SMARCAD1: variants seen among roughly 807,000 people sequenced by gnomAD.
The protein encoded by SMARCAD1 is SNF2 related chromatin remodeling ATPase with DExD box 1.
A neutral mutation model predicts 127.1 loss-of-function variants in SMARCAD1; 25 were observed. The observed-to-expected ratio is 0.20, with a 90% CI of 0.14 to 0.27. The LOEUF (loss-of-function observed/expected upper bound fraction) is 0.27, where lower values mean the gene tolerates loss of function less well. Ranked by LOEUF, SMARCAD1 falls within the 10% of genes least tolerant of loss-of-function variation. The pLI, the probability that SMARCAD1 is intolerant of heterozygous loss-of-function variation, is 1.00. For synonymous variants in SMARCAD1, 400 were observed against 396.9 expected (o/e 1.01, Z -0.09); for missense variants, 807 against 1,206.0 (o/e 0.67, Z 4.90).
At chr4:94,266,724 A>G (rs1469282657) in intron 10 of SMARCAD1, among the ~76,000 whole-genome samples, 2 of 152,154 alleles carry the variant, frequency 1.3e-5, no homozygotes, top group East Asian at 3.8e-4. Context: ...ATAACCTATC[A>G]TGCTTGCATT....
At position 94,280,539 on chromosome 4, in the gene SMARCAD1, A is replaced by G. The variant is rs112408429; in HGVS notation, c.2419-53A>G. The stretch of plus-strand genomic sequence containing the variant: ...ACAGTTTTATTAAACTTTTCTCATC[A>G]TATTATTAATTATTTTTATTTTGAA... On this transcript the variant is annotated intron_variant, in intron 19 of 23. Transcript: ENST00000354268. 2.0e-3 allele frequency: 2,977 copies of G among 1,465,090 alleles called. 39 individuals carry two copies. The African/African-American group carries it at 0.034, about 17-fold the overall frequency. 90.8% of individuals were successfully genotyped at this position (1,465,090 alleles called of 1,614,324 possible). A position where few individuals can be genotyped will look rare whatever the true frequency, so the allele number is the denominator to read the frequency against.
At chr4:94,255,817 A>T (rs1749993772) in intron 9 of SMARCAD1, among the ~76,000 whole-genome samples, 1 of 151,944 alleles carries the variant, frequency 6.6e-6, no homozygotes, top group African/African-American at 2.4e-5. Flanking sequence ...CAAAATTTAA[A>T]TATTGTTTTT....
At chr4:94,255,319 G>T (rs1031480712) in intron 9 of SMARCAD1, among the ~76,000 whole-genome samples, 4 of 151,922 alleles carry the variant, frequency 2.6e-5, no homozygotes, top group Non-Finnish European at 5.9e-5. Flanking sequence ...ATTAAAAAAT[G>T]CATACTTGAG....
intron 3 of SMARCAD1, among the ~76,000 whole-genome samples, chr4:94,232,242 A>G (rs534949467): frequency 1.3e-5 from 2 of 152,192 alleles, no homozygotes; most frequent in African/African-American, 2.4e-5. Flanking sequence ...TCCAAGCCAT[A>G]GTGATATTCA....
At position 94,232,184 on chromosome 4, in the gene SMARCAD1, CATT is replaced by C. The variant is rs1397418032; in HGVS notation, c.369-1766_369-1764del. ...GGCTGGTTTTTCTTTTTCTTCATGA[CATT>C]ATTTATTTTCTATCACTTGTATTTC... On this transcript the variant is annotated intron_variant, in intron 3 of 23. Coordinates refer to ENST00000354268, the MANE Select transcript of SMARCAD1 (RefSeq NM_020159.5). Among the ~76,000 whole-genome samples, 5 of 152,112 alleles carry C rather than the reference CATT, an allele frequency of 3.3e-5. No homozygotes were observed. The East Asian group carries it at 5.8e-4, about 18-fold the overall frequency.
rs576625220 is a variant in SMARCAD1, at chr4:94,244,156, G to T, written c.705+3150G>T. On this transcript the variant is annotated intron_variant, in intron 6 of 23. Coordinates refer to ENST00000354268, the MANE Select transcript of SMARCAD1 (RefSeq NM_020159.5). ...ATATTTGGATTCAAGACCAAAGGGTGAAAAACTTAAGGAACAACCTTTCTC... is the reference window on the plus strand; with the variant it reads ...ATATTTGGATTCAAGACCAAAGGGTTAAAAACTTAAGGAACAACCTTTCTC... Among the ~76,000 whole-genome samples, 22 of 152,340 alleles carry T rather than the reference G, an allele frequency of 1.4e-4. 1 individual carries two copies. The South Asian group carries it at 4.3e-3, about 30-fold the overall frequency.
intron 19 of SMARCAD1, 115 bp downstream of exon 19, chr4:94,279,165 AC>A: frequency 1.4e-6 from 2 of 1,418,222 alleles, no homozygotes; most frequent in South Asian, 2.5e-5. Context: ...TTTAAGAAAA[AC>A]TTTTTTTTTT....
intron 2 of SMARCAD1, among the ~76,000 whole-genome samples, chr4:94,214,138 T>A (rs1048978002): frequency 2.0e-5 from 3 of 152,072 alleles, no homozygotes; most frequent in African/African-American, 7.2e-5. Context: ...CCTTTAACAG[T>A]TTCAGTAGAA....
At chr4:94,285,305 C>T (rs1305468882) in intron 23 of SMARCAD1, among the ~76,000 whole-genome samples, 1 of 152,114 alleles carries the variant, frequency 6.6e-6, no homozygotes, top group African/African-American at 2.4e-5. Context: ...ATGTTCAAAA[C>T]TCAGAAATGA....
At chr4:94,288,297 G>C (rs1755240867) in intron 23 of SMARCAD1, among the ~76,000 whole-genome samples, 1 of 151,886 alleles carries the variant, frequency 6.6e-6, no homozygotes, top group South Asian at 2.1e-4. Context: ...AAAACACTAG[G>C]GTCCAAAGTT....
At chr4:94,249,793 T>A (rs566050049) in intron 7 of SMARCAD1, 38 bp downstream of exon 7, 5 of 1,144,730 alleles carry the variant, frequency 4.4e-6, no homozygotes, top group Non-Finnish European at 6.6e-6. Flanking sequence ...CAGTGTGTAC[T>A]AAGTGTTTTT....
At chr4:94,280,972 A>T (rs1206272666) in intron 20 of SMARCAD1, among the ~76,000 whole-genome samples, 192 bp downstream of exon 20, 1 of 127,016 alleles carries the variant, frequency 7.9e-6, no homozygotes, top group Non-Finnish European at 1.8e-5. Flanking sequence ...AGACAAAAAC[A>T]ATAGAAAGTT....
intron 9 of SMARCAD1, among the ~76,000 whole-genome samples, chr4:94,257,622 CT>C (rs1377220018): frequency 1.3e-5 from 2 of 152,038 alleles, no homozygotes; most frequent in Non-Finnish European, 2.9e-5. Flanking sequence ...AATGTTTATA[CT>C]TTTATTATTT....
chr4:94,259,032 T>TGGGC (rs991393218), intron 9 of SMARCAD1, among the ~76,000 whole-genome samples: 1 of 152,242 alleles, frequency 6.6e-6, no homozygotes, highest in African/African-American at 2.4e-5. Flanking sequence ...GATTTATGGC[T>TGGGC]GGGCTTATGG....
At chr4:94,285,560 T>C (rs1474894192) in intron 23 of SMARCAD1, among the ~76,000 whole-genome samples, 1 of 152,244 alleles carries the variant, frequency 6.6e-6, no homozygotes, top group Non-Finnish European at 1.5e-5. Flanking sequence ...CTAATATTGA[T>C]AATTGTTCAT....
chr4:94,233,932 G>A lies in SMARCAD1; in HGVS notation c.369-22G>A, dbSNP rs1212274210. On this transcript the variant is annotated intron_variant, in intron 3 of 23. Coordinates refer to ENST00000354268, the MANE Select transcript of SMARCAD1 (RefSeq NM_020159.5). ...TAGTAATACATTAAAAATGTTTTTTGCTCCTCTAAAAATATTTTTAGTTCT... is the reference window on the plus strand; with the variant it reads ...TAGTAATACATTAAAAATGTTTTTTACTCCTCTAAAAATATTTTTAGTTCT... 4 of 1,611,832 alleles carry A rather than the reference G, an allele frequency of 2.5e-6. No homozygotes were observed. The South Asian group carries it at 4.4e-5, about 18-fold the overall frequency.
Position 94,289,809 on chromosome 4 carries a change from TG to T in SMARCAD1, c.*276del, listed in dbSNP as rs1755459530. The T allele has an allele frequency of 1.8e-6, 1 of 547,564 alleles. No individual in the cohort carries two copies. The highest frequency in any genetic ancestry group is 3.5e-6 in the Non-Finnish European group (1 of 287,914). The allele number at this position is 547,564 out of a possible 1,614,324, so 33.9% of individuals were successfully genotyped here. On this transcript the variant is annotated 3_prime_UTR_variant, in exon 24 of 24. Coordinates refer to ENST00000354268, the MANE Select transcript of SMARCAD1 (RefSeq NM_020159.5). ...TTCTGAATGGGGATTAGTTGGTGAT[TG>T]TTTGTAACAAATATGCTAATGCTTT...
chr4:94,246,146 G>T (rs1748380853), intron 6 of SMARCAD1, among the ~76,000 whole-genome samples: 1 of 149,410 alleles, frequency 6.7e-6, no homozygotes, highest in Non-Finnish European at 1.5e-5. Flanking sequence ...TTGAGATGGA[G>T]TCTCGCACTG....
At chr4:94,281,685 GT>G in intron 21 of SMARCAD1, 95 bp downstream of exon 21, 2 of 853,784 alleles carry the variant, frequency 2.3e-6, no homozygotes, top group Non-Finnish European at 3.9e-6. Context: ...GTATTTTGTT[GT>G]TTTTATGTTT....
Sources: gnomAD v4.1 joint callset for allele counts (sites outside exome capture counted in the v4.1 genomes callset) on GRCh38, gnomAD v4.1.1 for gene constraint, MANE v1.5 for transcripts, NCBI Gene and HGNC (gene_info 2026-07-23, HGNC 2026-07-21) for gene names.